Variants in SLC5A8 observed in about 807,000 individuals in gnomAD.
SLC5A8 encodes solute carrier family 5 member 8.
A neutral mutation model predicts 71.9 loss-of-function variants in SLC5A8; 55 were observed. That is an observed-to-expected ratio of 0.77 (90% CI 0.62 to 0.96). SLC5A8 has a LOEUF of 0.96. Among genes scored for constraint, SLC5A8 ranks in the 40% least tolerant of loss-of-function variants. SLC5A8 has a pLI of 0.00. For missense variants in SLC5A8, 701 were observed against 745.3 expected (o/e 0.94, Z 0.69); for synonymous variants, 307 against 276.1 (o/e 1.11, Z -1.11).
At chr12:101,170,816 C>T (rs932259253) in intron 10 of SLC5A8, among the ~76,000 whole-genome samples, 1 of 152,138 alleles carries the variant, frequency 6.6e-6, no homozygotes, top group Non-Finnish European at 1.5e-5. Flanking sequence ...GGACTTTCAC[C>T]ATGGCCCAGC....
intron 7 of SLC5A8, among the ~76,000 whole-genome samples, chr12:101,184,889 A>G (rs1000060089): frequency 6.6e-6 from 1 of 152,256 alleles, no homozygotes; most frequent in African/African-American, 2.4e-5. Context: ...AAATTAGGAT[A>G]ATCAAGTGTG....
At chr12:101,193,184 GC>G (rs1213632266) in intron 5 of SLC5A8, among the ~76,000 whole-genome samples, 1 of 151,956 alleles carries the variant, frequency 6.6e-6, no homozygotes, top group African/African-American at 2.4e-5. Flanking sequence ...TGTTGGCCAG[GC>G]TGGTCTCGAA....
Position 101,171,539 on chromosome 12 carries a change from AC to A in SLC5A8, c.1234-3358del, listed in dbSNP as rs1158489570. On this transcript the variant is annotated intron_variant, in intron 10 of 14. Coordinates refer to ENST00000536262, the MANE Select transcript of SLC5A8 (RefSeq NM_145913.5). ...AGGAGTTGGTGGCGCCCTTGGAAAA[AC>A]CTGGAAATGAACTGTATCATCACAG... Among the ~76,000 whole-genome samples, 5 of 152,128 alleles carry A rather than the reference AC, an allele frequency of 3.3e-5. No homozygotes were observed. The South Asian group carries it at 8.3e-4, about 25-fold the overall frequency.
At position 101,210,113 on chromosome 12, in the gene SLC5A8, C is replaced by T; in HGVS notation, c.-265G>A. ...AAATCGACCCGCTGCCCTGAGTGCT[C>T]ACCACGTGAGGAACTGGAGTGGCCG... On this transcript the variant is annotated 5_prime_UTR_variant, in exon 1 of 15. Coordinates refer to ENST00000536262, the MANE Select transcript of SLC5A8 (RefSeq NM_145913.5). The T allele has an allele frequency of 2.2e-6, 1 of 444,890 alleles. No homozygotes were observed. Among genetic ancestry groups the T allele is most frequent in the Non-Finnish European group, 3.9e-6 (1 of 255,210 alleles). The allele number at this position is 444,890 out of a possible 1,614,324, so 27.6% of individuals were successfully genotyped here.
intron 10 of SLC5A8, 58 bp downstream of exon 10, chr12:101,179,971 C>A: frequency 4.4e-6 from 7 of 1,576,498 alleles, no homozygotes; most frequent in Non-Finnish European, 5.2e-6. Context: ...ATGGTCACAT[C>A]AACATTGAAA....
chr12:101,195,813 C>T lies in SLC5A8; in HGVS notation c.470-651G>A, dbSNP rs562309721. Among the ~76,000 whole-genome samples the T allele has an allele frequency of 2.7e-5, 4 of 150,016 alleles. No homozygotes were observed. In the South Asian group the frequency reaches 8.4e-4, roughly 32 times the overall value. Reference sequence around the variant, plus strand: ...CTGGGTTCAAGCAATTCACCTGACTCAGCCTCTCGAGTAGCTGGGACTACA... The same window carrying T: ...CTGGGTTCAAGCAATTCACCTGACTTAGCCTCTCGAGTAGCTGGGACTACA... On this transcript the variant is annotated intron_variant, in intron 3 of 14. Coordinates refer to ENST00000536262, the MANE Select transcript of SLC5A8 (RefSeq NM_145913.5).
At chr12:101,184,008 G>T in intron 8 of SLC5A8, 126 bp downstream of exon 8, 1 of 813,144 alleles carries the variant, frequency 1.2e-6, no homozygotes, top group Non-Finnish European at 2.0e-6. Context: ...GACACATACA[G>T]CAGATTGCCT....
chr12:101,192,174 C>T (rs1868941831), intron 5 of SLC5A8, among the ~76,000 whole-genome samples: 1 of 152,174 alleles, frequency 6.6e-6, no homozygotes, highest in South Asian at 2.1e-4. Flanking sequence ...TCTTGTTCTG[C>T]CCTGGCCAAG....
chr12:101,161,493 G>A (rs1247416553), intron 13 of SLC5A8, among the ~76,000 whole-genome samples: 4 of 152,002 alleles, frequency 2.6e-5, no homozygotes, highest in Middle Eastern at 3.4e-3. Context: ...TGAAAAAAAA[G>A]CCTCCACACT....
At chr12:101,170,071 G>A (rs1349098579) in intron 10 of SLC5A8, among the ~76,000 whole-genome samples, 1 of 152,222 alleles carries the variant, frequency 6.6e-6, no homozygotes, top group Non-Finnish European at 1.5e-5. Flanking sequence ...TAGAGAGGAA[G>A]GTGTTGCAGG....
intron 12 of SLC5A8, among the ~76,000 whole-genome samples, chr12:101,164,416 T>C (rs981759146): frequency 2.0e-5 from 3 of 152,118 alleles, no homozygotes; most frequent in Non-Finnish European, 2.9e-5. Context: ...AATGTAACCA[T>C]CAAATATTGT....
chr12:101,195,139 C>T lies in SLC5A8; in HGVS notation c.493G>A (p.Ala165Thr), dbSNP rs199610556. ...CAGACCACCCCCGTTGCCACTACCGCGCCCCACAGATCAAATCCTGTGACT... is the reference window on the plus strand; with the variant it reads ...CAGACCACCCCCGTTGCCACTACCGTGCCCCACAGATCAAATCCTGTGACT... The part of the protein sequence containing the change: ...NQVTGFDLWG[A>T]VVATGVVCTF... The change falls in exon 4 of 15, where the codon GCG (alanine) becomes ACG (threonine). Residue 165 changes from alanine (A) to threonine (T), a missense_variant. Coordinates refer to ENST00000536262, the MANE Select transcript of SLC5A8 (RefSeq NM_145913.5). 385 of 1,613,936 alleles carry T rather than the reference C, an allele frequency of 2.4e-4. No individual in the cohort carries two copies. The highest frequency in any genetic ancestry group is 3.0e-4 in the Non-Finnish European group (356 of 1,180,000).
chr12:101,155,692 G>A lies in SLC5A8; in HGVS notation c.*1587C>T, dbSNP rs1365428323. ...TTATTTTTTATTTTTGTAGAGATGA[G>A]GTCTAACTATGTTTCCAGGCTGGAC... On this transcript the variant is annotated 3_prime_UTR_variant, in exon 15 of 15. Transcript: ENST00000536262. 6.6e-6 allele frequency: 1 copy of A among 150,594 alleles called. No homozygotes were observed. Among genetic ancestry groups the A allele is most frequent in the Admixed American group, 6.6e-5 (1 of 15,090 alleles). The allele number at this position is 150,594 out of a possible 1,614,324, so 9.3% of individuals were successfully genotyped here. A position where few individuals can be genotyped will look rare whatever the true frequency, so the allele number is the denominator to read the frequency against.
At chr12:101,186,309 A>G (rs937351915) in intron 7 of SLC5A8, among the ~76,000 whole-genome samples, 7 of 152,142 alleles carry the variant, frequency 4.6e-5, no homozygotes, top group Admixed American at 4.6e-4. Context: ...AAAGGAGGGC[A>G]TAAGTTAAGA....
intron 12 of SLC5A8, among the ~76,000 whole-genome samples, chr12:101,164,077 C>T (rs567968385): frequency 6.6e-6 from 1 of 152,098 alleles, no homozygotes; most frequent in East Asian, 1.9e-4. Context: ...AAACAAGACA[C>T]ATAAAGGACT....
At chr12:101,173,333 G>A (rs2051848845) in intron 10 of SLC5A8, among the ~76,000 whole-genome samples, 3 of 152,146 alleles carry the variant, frequency 2.0e-5, no homozygotes, top group Admixed American at 2.0e-4. Flanking sequence ...CATTAGGGGT[G>A]AACCTCTTCA....
At chr12:101,167,522 C>T (rs561171773) in intron 11 of SLC5A8, among the ~76,000 whole-genome samples, 1 of 152,264 alleles carries the variant, frequency 6.6e-6, no homozygotes, top group South Asian at 2.1e-4. Context: ...TCATTTATTC[C>T]AAACAAAAGT....
In SLC5A8 at chr12:101,180,072, A is replaced by G; in HGVS notation, c.1190T>C (p.Ile397Thr). ...GMSVVYGALC[I>T]GMAALASLMG... ...AAGTGACGCCAGCGCAGCCATTCCA[A>G]TACACAGGGCTCCATACACCACACC... is the stretch of plus-strand genomic sequence containing the variant. The change falls in exon 10 of 15, where the codon ATT (isoleucine) becomes ACT (threonine). Residue 397 changes from isoleucine (I) to threonine (T), a missense_variant. Coordinates refer to ENST00000536262, the MANE Select transcript of SLC5A8 (RefSeq NM_145913.5). 6.2e-7 allele frequency: 1 copy of G among 1,614,068 alleles called. No homozygotes were observed.
At chr12:101,158,584 CTCTCTCTCTCTCTCTATATATA>C (rs1396367691) in intron 13 of SLC5A8, among the ~76,000 whole-genome samples, 54 of 46,812 alleles carry the variant, frequency 1.2e-3, no homozygotes, top group African/African-American at 5.9e-3. Flanking sequence ...CTCTCTCTCT[CTCTCTCTCTCTCTCTATATATA>C]TATATATATA....
Sources: allele counts gnomAD v4.1 joint callset (sites outside exome capture counted in the v4.1 genomes callset), GRCh38; gene constraint gnomAD v4.1.1; transcripts MANE v1.5; gene names NCBI Gene and HGNC (gene_info 2026-07-23, HGNC 2026-07-21).